SCARA5: variants seen among roughly 807,000 people sequenced by gnomAD.
The protein encoded by SCARA5 is scavenger receptor class A member 5.
In SCARA5, 45 loss-of-function variants were observed where a neutral mutation model predicts 46.3. The ratio of observed to expected loss-of-function variants is 0.97; its 90% CI spans 0.76 to 1.24. The LOEUF is 1.24. SCARA5 is among the 50% of genes most tolerant of loss of function. The pLI is 0.00. For synonymous variants in SCARA5, 333 were observed against 306.5 expected, an observed-to-expected ratio of 1.09 and a Z score of -0.90; for missense variants, 680 against 689.0, an observed-to-expected ratio of 0.99 and a Z score of 0.15.
intron 4 of SCARA5, among the ~76,000 whole-genome samples, chr8:27,920,360 C>T (rs922007607): frequency 7.2e-5 from 11 of 152,156 alleles, no homozygotes; most frequent in African/African-American, 2.4e-4. Flanking sequence ...AGCCTGTAAT[C>T]CCAGTACTTT....
At position 27,939,394 on chromosome 8, in the gene SCARA5, A is replaced by G. The variant is rs1807907001; in HGVS notation, c.242-17149T>C. Among the ~76,000 whole-genome samples, 4 of 152,146 alleles carry G rather than the reference A, an allele frequency of 2.6e-5. No individual in the cohort carries two copies. The South Asian group carries it at 8.3e-4, about 32-fold the overall frequency. ...TGGACAACCTGGCTGTCAGTCCAGCATCATTGTTTCAACCTCCAGGTCAAT... is the reference window on the plus strand; with the variant it reads ...TGGACAACCTGGCTGTCAGTCCAGCGTCATTGTTTCAACCTCCAGGTCAAT... On this transcript the variant is annotated intron_variant, in intron 3 of 8. Coordinates refer to ENST00000354914, the MANE Select transcript of SCARA5 (RefSeq NM_173833.6).
chr8:27,969,937 G>A (rs1252445286), intron 2 of SCARA5, among the ~76,000 whole-genome samples: 2 of 152,178 alleles, frequency 1.3e-5, no homozygotes, highest in Non-Finnish European at 2.9e-5. Context: ...CACTCTGGTA[G>A]CCAGCCTTCA....
chr8:27,973,222 A>C (rs1808473397), intron 2 of SCARA5, among the ~76,000 whole-genome samples: 2 of 152,210 alleles, frequency 1.3e-5, no homozygotes, highest in African/African-American at 4.8e-5. Flanking sequence ...CATGCTTGTA[A>C]TCACAGCATT....
chr8:27,932,067 T>C (rs2685316), intron 3 of SCARA5, among the ~76,000 whole-genome samples: 51,427 of 151,742 alleles, frequency 0.34, 8,845 homozygotes, highest in East Asian at 0.37. Context: ...CAACCTCAAC[T>C]TTTCTGGGCT....
intron 3 of SCARA5, among the ~76,000 whole-genome samples, chr8:27,940,793 T>TCCAC (rs1807933552): frequency 7.3e-6 from 1 of 136,110 alleles, no homozygotes; most frequent in Non-Finnish European, 1.6e-5. Flanking sequence ...CATCCATCCA[T>TCCAC]CCATCCATCC....
At chr8:27,955,436 G>A (rs532551352) in intron 3 of SCARA5, among the ~76,000 whole-genome samples, 5 of 152,288 alleles carry the variant, frequency 3.3e-5, no homozygotes, top group South Asian at 2.1e-4. Flanking sequence ...GCCAGCTGCC[G>A]GGCCACTCTG....
chr8:27,973,485 A>T (rs4481547), intron 2 of SCARA5, among the ~76,000 whole-genome samples: 72,675 of 151,838 alleles, frequency 0.48, 17,516 homozygotes, highest in Admixed American at 0.52. Flanking sequence ...TCAAATAAAT[A>T]AATTAATTAA....
chr8:27,967,664 G>C (rs1808390230), intron 2 of SCARA5, among the ~76,000 whole-genome samples: 1 of 152,190 alleles, frequency 6.6e-6, no homozygotes, highest in African/African-American at 2.4e-5. Flanking sequence ...TGTAATCCCA[G>C]CACTGTGGGA....
chr8:27,901,041 C>T (rs1807144935), intron 7 of SCARA5, among the ~76,000 whole-genome samples: 1 of 151,980 alleles, frequency 6.6e-6, no homozygotes, highest in Non-Finnish European at 1.5e-5. Context: ...GGTCTGAAAC[C>T]CATCCAACCC....
At chr8:27,880,538 C>T (rs1223924988) in intron 7 of SCARA5, among the ~76,000 whole-genome samples, 1 of 152,010 alleles carries the variant, frequency 6.6e-6, no homozygotes. Context: ...AAACAAATAA[C>T]CCCATCAGAA....
intron 2 of SCARA5, among the ~76,000 whole-genome samples, chr8:27,984,706 G>A (rs13268989): frequency 0.2 from 27,615 of 137,610 alleles, 2,874 homozygotes; most frequent in Middle Eastern, 0.36. Flanking sequence ...CCATTCATCC[G>A]TCCATCCAGC....
Position 27,913,635 on chromosome 8 carries a change from C to T in SCARA5, c.917-3892G>A, listed in dbSNP as rs577649757. Among the ~76,000 whole-genome samples, 8 of 152,330 alleles carry T rather than the reference C, an allele frequency of 5.3e-5. No homozygotes were observed. The South Asian group carries it at 1.5e-3, about 28-fold the overall frequency. ...CCCTCGTCAGGTCCTTATGGCCTGGCTCTGGCCTTTATAAGAACCTCCCTG... is the reference window on the plus strand; with the variant it reads ...CCCTCGTCAGGTCCTTATGGCCTGGTTCTGGCCTTTATAAGAACCTCCCTG... On this transcript the variant is annotated intron_variant, in intron 4 of 8. Coordinates refer to ENST00000354914, the MANE Select transcript of SCARA5 (RefSeq NM_173833.6).
chr8:27,899,130 T>C (rs1807110733), intron 7 of SCARA5, among the ~76,000 whole-genome samples: 1 of 152,250 alleles, frequency 6.6e-6, no homozygotes. Context: ...TTCAGCCAGT[T>C]GCTTATATGT....
chr8:27,901,545 C>G (rs992194485), intron 7 of SCARA5, among the ~76,000 whole-genome samples: 1 of 152,078 alleles, frequency 6.6e-6, no homozygotes, highest in Non-Finnish European at 1.5e-5. Context: ...CTTGGCTCTC[C>G]CCCACAGAGC....
chr8:27,986,847 C>T (rs868553003), intron 2 of SCARA5, among the ~76,000 whole-genome samples: 1 of 152,208 alleles, frequency 6.6e-6, no homozygotes, highest in South Asian at 2.1e-4. Flanking sequence ...GGGCAATGCT[C>T]TCCTCTCTGA....
chr8:27,920,038 G>T (rs1255735303), intron 4 of SCARA5, among the ~76,000 whole-genome samples: 1 of 151,860 alleles, frequency 6.6e-6, no homozygotes, highest in Non-Finnish European at 1.5e-5. Flanking sequence ...TTCTGATGGT[G>T]AGTGCAGCAG....
At chr8:27,939,239 A>G (rs1807905063) in intron 3 of SCARA5, among the ~76,000 whole-genome samples, 1 of 152,202 alleles carries the variant, frequency 6.6e-6, no homozygotes, top group South Asian at 2.1e-4. Flanking sequence ...CCCAAACACC[A>G]TGCCCCTTCT....
intron 4 of SCARA5, among the ~76,000 whole-genome samples, chr8:27,910,680 G>C (rs1031711665): frequency 2.6e-5 from 4 of 152,204 alleles, no homozygotes; most frequent in Non-Finnish European, 4.4e-5. Context: ...TGAGGAGTGC[G>C]GCCATCAGAG....
At chr8:27,887,464 GCT>G (rs1461017187) in intron 7 of SCARA5, among the ~76,000 whole-genome samples, 1 of 152,158 alleles carries the variant, frequency 6.6e-6, no homozygotes, top group Non-Finnish European at 1.5e-5. Flanking sequence ...GTCCCTACCA[GCT>G]CTGTGCAGGA....
Sources: gnomAD v4.1 joint callset for allele counts (sites outside exome capture counted in the v4.1 genomes callset) on GRCh38, gnomAD v4.1.1 for gene constraint, MANE v1.5 for transcripts, NCBI Gene and HGNC (gene_info 2026-07-23, HGNC 2026-07-21) for gene names.